NELL1: variants seen among roughly 807,000 people sequenced by gnomAD.
NELL1 encodes protein kinase C-binding protein NELL1.
A neutral mutation model predicts 107.4 loss-of-function variants in NELL1; 76 were observed. That is an observed-to-expected ratio of 0.71 (90% CI 0.59 to 0.86). The LOEUF (loss-of-function observed/expected upper bound fraction) is 0.86, where lower values mean the gene tolerates loss of function less well. Ranked by LOEUF, NELL1 falls within the 40% of genes least tolerant of loss-of-function variation. NELL1 has a pLI of 0.00. For synonymous variants in NELL1, 353 were observed against 341.2 expected (o/e 1.03, Z -0.38); for missense variants, 1,024 against 1,005.5 (o/e 1.02, Z -0.25).
chr11:21,522,614 C>T (rs2133957532), intron 15 of NELL1, among the ~76,000 whole-genome samples: 1 of 152,100 alleles, frequency 6.6e-6, no homozygotes, highest in East Asian at 1.9e-4. Flanking sequence ...TAACTGGGTA[C>T]ATGTACATCC....
chr11:21,206,795 C>A (rs890077718), intron 13 of NELL1, among the ~76,000 whole-genome samples: 8 of 152,144 alleles, frequency 5.3e-5, no homozygotes, highest in Non-Finnish European at 1.2e-4. Flanking sequence ...CTGAGACTCC[C>A]TGAAGGAGAG....
chr11:20,747,643 C>T (rs1034766505), intron 2 of NELL1, among the ~76,000 whole-genome samples: 5 of 152,184 alleles, frequency 3.3e-5, no homozygotes, highest in Admixed American at 6.5e-5. Context: ...CCCCACCTCT[C>T]AATATGTCAA....
In NELL1 at chr11:20,928,402, T is replaced by A; in HGVS notation, c.920T>A (p.Met307Lys). The part of the protein sequence containing the change: ...CKSGAVECRR[M>K]SCPPLNCSPD... Reference sequence around the variant, plus strand: ...AGTGGTGCCGTGGAATGCCGAAGGATGTCCTGTCCCCCTCTCAATTGCTCC... The same window carrying A: ...AGTGGTGCCGTGGAATGCCGAAGGAAGTCCTGTCCCCCTCTCAATTGCTCC... The change falls in exon 9 of 20, where the codon ATG (methionine) becomes AAG (lysine). Residue 307 changes from methionine to lysine, a missense_variant. Coordinates refer to ENST00000357134, the MANE Select transcript of NELL1 (RefSeq NM_006157.5). 6.2e-7 allele frequency: 1 copy of A among 1,614,042 alleles called. No homozygotes were observed. The highest frequency in any genetic ancestry group is 8.5e-7 in the Non-Finnish European group (1 of 1,179,954).
At chr11:21,381,966 A>C (rs1288517751) in intron 15 of NELL1, among the ~76,000 whole-genome samples, 2 of 139,340 alleles carry the variant, frequency 1.4e-5, no homozygotes, top group African/African-American at 5.5e-5. Context: ...CTTGGAGTTA[A>C]AATTGAAGAT....
intron 14 of NELL1, among the ~76,000 whole-genome samples, chr11:21,274,830 A>C (rs1322741424): frequency 6.6e-6 from 1 of 152,224 alleles, no homozygotes; most frequent in African/African-American, 2.4e-5. Flanking sequence ...AGGCAGAAAT[A>C]AAGATGTTCT....
At chr11:20,704,903 C>G (rs1443541635) in intron 2 of NELL1, among the ~76,000 whole-genome samples, 1 of 152,088 alleles carries the variant, frequency 6.6e-6, no homozygotes, top group Admixed American at 6.6e-5. Context: ...GAGTGAACTC[C>G]CATTCACAAT....
chr11:21,115,991 C>G (rs530963576), intron 13 of NELL1, among the ~76,000 whole-genome samples: 1 of 152,006 alleles, frequency 6.6e-6, no homozygotes, highest in East Asian at 1.9e-4. Context: ...TGCTTTTCCT[C>G]ACAACAAAAC....
At chr11:20,704,307 T>A (rs901815048) in intron 2 of NELL1, among the ~76,000 whole-genome samples, 8 of 152,226 alleles carry the variant, frequency 5.3e-5, no homozygotes, top group African/African-American at 1.9e-4. Context: ...GTCTGTTTTA[T>A]CAGAGACTAG....
Position 20,746,601 on chromosome 11 carries a change from CACACACGT to C in NELL1, c.185-37078_185-37071del, listed in dbSNP as rs1420966579. On this transcript the variant is annotated intron_variant, in intron 2 of 19. Coordinates refer to ENST00000357134, the MANE Select transcript of NELL1 (RefSeq NM_006157.5). Reference sequence around the variant, plus strand: ...ACACACACACACACACACACACACACACACACGTGGAATTGAACATTGCCCTTTTCTCA... The same window carrying C: ...ACACACACACACACACACACACACACGGAATTGAACATTGCCCTTTTCTCA... 2.7e-5 allele frequency among the ~76,000 whole-genome samples: 3 copies of C among 112,512 alleles called. No homozygotes were observed. The Admixed American group carries it at 3.1e-4, about 12-fold the overall frequency. The allele number at this position is 112,512 out of a possible 152,430, so 73.8% of individuals were successfully genotyped here. A position where few individuals can be genotyped will look rare whatever the true frequency, so the allele number is the denominator to read the frequency against.
intron 4 of NELL1, among the ~76,000 whole-genome samples, chr11:20,852,995 G>T (rs1590350012): frequency 6.6e-6 from 1 of 152,298 alleles, no homozygotes; most frequent in Non-Finnish European, 1.5e-5. Context: ...AGCTCCTGGG[G>T]GACTTGGAGT....
intron 12 of NELL1, among the ~76,000 whole-genome samples, chr11:21,042,438 G>C (rs558141201): frequency 8.1e-4 from 124 of 152,302 alleles, no homozygotes; most frequent in African/African-American, 2.7e-3. Context: ...AACAGGACAA[G>C]GGGCTAAGAA....
intron 12 of NELL1, among the ~76,000 whole-genome samples, chr11:21,056,975 A>T (rs2134356225): frequency 7.0e-6 from 1 of 142,652 alleles, no homozygotes; most frequent in Middle Eastern, 3.5e-3. Context: ...TTGGGTAGCA[A>T]AAACAAAAAA....
At chr11:21,098,634 G>A (rs1184100851) in intron 12 of NELL1, among the ~76,000 whole-genome samples, 1 of 152,188 alleles carries the variant, frequency 6.6e-6, no homozygotes, top group Admixed American at 6.5e-5. Flanking sequence ...GTACCACTTT[G>A]TTGAAGGTCT....
chr11:21,487,652 C>T (rs1455324013), intron 15 of NELL1, among the ~76,000 whole-genome samples: 1 of 151,798 alleles, frequency 6.6e-6, no homozygotes, highest in Non-Finnish European at 1.5e-5. Context: ...AAACAATGAA[C>T]AATATGACAA....
intron 13 of NELL1, among the ~76,000 whole-genome samples, chr11:21,222,291 T>A (rs2133874102): frequency 6.6e-6 from 1 of 151,950 alleles, no homozygotes; most frequent in East Asian, 2.0e-4. Context: ...ACCATTCTCC[T>A]GCCTCAGCCT....
intron 17 of NELL1, among the ~76,000 whole-genome samples, chr11:21,567,784 G>A (rs1432474765): frequency 1.3e-5 from 2 of 151,822 alleles, no homozygotes; most frequent in African/African-American, 4.8e-5. Flanking sequence ...GAAGGACGGT[G>A]AGCTATAGTA....
rs559527231 is a variant in NELL1, at chr11:20,978,476, G to A, written c.1300+17916G>A. Among the ~76,000 whole-genome samples, 252 of 152,134 alleles carry A rather than the reference G, an allele frequency of 1.7e-3. 2 individuals carry two copies. The highest frequency in any genetic ancestry group is 5.7e-3 in the African/African-American group (237 of 41,498). ...CACACAACAAAGACCAAATATCAGA[G>A]TCTAAATGAGGGATTTTGCCTGTTT... is the stretch of plus-strand genomic sequence containing the variant. On this transcript the variant is annotated intron_variant, in intron 12 of 19. Transcript: ENST00000357134.
chr11:21,151,515 A>T (rs905310134), intron 13 of NELL1, among the ~76,000 whole-genome samples: 1 of 152,096 alleles, frequency 6.6e-6, no homozygotes, highest in Non-Finnish European at 1.5e-5. Context: ...CTTGTGGAGT[A>T]CTTCAGCCAT....
intron 14 of NELL1, among the ~76,000 whole-genome samples, chr11:21,237,655 G>T (rs11025989): frequency 0.14 from 21,153 of 151,892 alleles, 1,966 homozygotes; most frequent in East Asian, 0.39. Flanking sequence ...TTATCTAACT[G>T]GAAAAAGACA....
Sources: gnomAD v4.1 joint callset for allele counts (sites outside exome capture counted in the v4.1 genomes callset) on GRCh38, gnomAD v4.1.1 for gene constraint, MANE v1.5 for transcripts, NCBI Gene and HGNC (gene_info 2026-07-23, HGNC 2026-07-21) for gene names.